L3MBTL4: variants seen among roughly 807,000 people sequenced by gnomAD.
L3MBTL4 encodes L3MBTL histone methyl-lysine binding protein 4.
In L3MBTL4, 70 loss-of-function variants were observed where a neutral mutation model predicts 84.5. That is an observed-to-expected ratio of 0.83 (90% CI 0.68 to 1.01). The LOEUF (loss-of-function observed/expected upper bound fraction) is 1.01, where lower values mean the gene tolerates loss of function less well. Ranked by LOEUF, L3MBTL4 falls within the 50% of genes least tolerant of loss-of-function variation. The pLI, the probability that L3MBTL4 is intolerant of heterozygous loss-of-function variation, is 0.00. For synonymous variants in L3MBTL4, 274 were observed against 259.8 expected, an observed-to-expected ratio of 1.05 and a Z score of -0.52; for missense variants, 715 against 754.8, an observed-to-expected ratio of 0.95 and a Z score of 0.62.
intron 13 of L3MBTL4, among the ~76,000 whole-genome samples, chr18:6,147,969 C>T (rs906738344): frequency 6.6e-6 from 1 of 151,998 alleles, no homozygotes; most frequent in Non-Finnish European, 1.5e-5. Context: ...AAAAGGATGA[C>T]CTCATATTTA....
intron 16 of L3MBTL4, among the ~76,000 whole-genome samples, chr18:6,041,648 G>A (rs1176507480): frequency 6.6e-6 from 1 of 151,850 alleles, no homozygotes; most frequent in East Asian, 1.9e-4. Flanking sequence ...AGCACAGAGA[G>A]GTCCAGCACT....
At chr18:6,297,885 T>G (rs2050172095) in intron 4 of L3MBTL4, among the ~76,000 whole-genome samples, 1 of 152,196 alleles carries the variant, frequency 6.6e-6, no homozygotes, top group South Asian at 2.1e-4. Flanking sequence ...TTCAAAGCAT[T>G]TAAGTGACTA....
At chr18:6,174,059 A>T (rs2145234880) in intron 12 of L3MBTL4, among the ~76,000 whole-genome samples, 1 of 152,260 alleles carries the variant, frequency 6.6e-6, no homozygotes, top group African/African-American at 2.4e-5. Context: ...TTACTCATGA[A>T]CAACCCTAAA....
chr18:6,135,052 C>G (rs756979575), intron 14 of L3MBTL4, among the ~76,000 whole-genome samples: 1 of 152,196 alleles, frequency 6.6e-6, no homozygotes, highest in Non-Finnish European at 1.5e-5. Context: ...GTTCCCAAAC[C>G]TCAATCTTGA....
At chr18:6,267,179 T>TA in intron 4 of L3MBTL4, among the ~76,000 whole-genome samples, 2 of 152,314 alleles carry the variant, frequency 1.3e-5, no homozygotes, top group East Asian at 3.9e-4. Context: ...AATTTATAGC[T>TA]AAAAATTAGA....
intron 16 of L3MBTL4, among the ~76,000 whole-genome samples, chr18:6,065,245 AT>A: frequency 1.3e-5 from 2 of 151,852 alleles, no homozygotes; most frequent in Middle Eastern, 6.8e-3. Flanking sequence ...GTGCTGTTGG[AT>A]TTGGTCAGTT....
chr18:6,280,110 C>T (rs2049262285), intron 4 of L3MBTL4, among the ~76,000 whole-genome samples: 1 of 152,176 alleles, frequency 6.6e-6, no homozygotes, highest in African/African-American at 2.4e-5. Context: ...TAGTCATTCT[C>T]AATGAATGTA....
chr18:6,078,716 G>A (rs913680392), intron 16 of L3MBTL4, among the ~76,000 whole-genome samples: 5 of 152,122 alleles, frequency 3.3e-5, no homozygotes, highest in Admixed American at 2.6e-4. Flanking sequence ...GACCAGGGGT[G>A]GGGGGATGGT....
chr18:6,301,581 A>C (rs1467864577), intron 4 of L3MBTL4, among the ~76,000 whole-genome samples: 1 of 152,194 alleles, frequency 6.6e-6, no homozygotes, highest in Non-Finnish European at 1.5e-5. Flanking sequence ...AGCTCACACA[A>C]AGGATTATTA....
At chr18:6,120,537 A>C (rs749394575) in intron 14 of L3MBTL4, among the ~76,000 whole-genome samples, 20 of 152,220 alleles carry the variant, frequency 1.3e-4, no homozygotes, top group African/African-American at 1.9e-4. Context: ...CCAGATTATA[A>C]GTTGTCTTCT....
chr18:6,400,730 T>C (rs1170282345), intron 1 of L3MBTL4, among the ~76,000 whole-genome samples: 1 of 152,132 alleles, frequency 6.6e-6, no homozygotes, highest in East Asian at 1.9e-4. Context: ...TGTAAACTAC[T>C]TGGGAGGCAT....
chr18:6,202,631 G>T (rs2045695654), intron 12 of L3MBTL4, among the ~76,000 whole-genome samples: 1 of 152,068 alleles, frequency 6.6e-6, no homozygotes, highest in Non-Finnish European at 1.5e-5. Context: ...TATATTGTCT[G>T]GAGTTAGTGT....
intron 5 of L3MBTL4, among the ~76,000 whole-genome samples, chr18:6,246,476 T>C (rs1017194830): frequency 6.6e-6 from 1 of 152,248 alleles, no homozygotes; most frequent in African/African-American, 2.4e-5. Context: ...CAAATAATCA[T>C]ATACTAATGG....
chr18:6,053,855 G>A (rs917995917), intron 16 of L3MBTL4, among the ~76,000 whole-genome samples: 5 of 152,178 alleles, frequency 3.3e-5, no homozygotes, highest in Non-Finnish European at 7.3e-5. Flanking sequence ...AATAAAGGCA[G>A]ATGACCTAAA....
At chr18:6,019,229 A>T (rs1338160670) in intron 16 of L3MBTL4, among the ~76,000 whole-genome samples, 3 of 152,236 alleles carry the variant, frequency 2.0e-5, no homozygotes, top group African/African-American at 7.2e-5. Flanking sequence ...ATGTAGAATC[A>T]ATATCTGGAT....
rs372656231 is a variant in L3MBTL4, at chr18:5,956,145, A to AT, written c.*74dup. On this transcript the variant is annotated 3_prime_UTR_variant, in exon 19 of 19. Transcript: ENST00000317931. Reference sequence around the variant, plus strand: ...TGGATACGGCCATGGGGACATTCACATCAAATTAATGTGCTCCACTTTTAT... The same window carrying AT: ...TGGATACGGCCATGGGGACATTCACATTCAAATTAATGTGCTCCACTTTTAT... 3.5e-4 allele frequency: 451 copies of AT among 1,272,958 alleles called. 1 individual carries two copies. The African/African-American group carries it at 5.0e-3, about 14-fold the overall frequency. The allele number at this position is 1,272,958 out of a possible 1,614,324, so 78.9% of individuals were successfully genotyped here. A position where few individuals can be genotyped will look rare whatever the true frequency, so the allele number is the denominator to read the frequency against.
chr18:6,351,402 T>A (rs1166015891), intron 1 of L3MBTL4, among the ~76,000 whole-genome samples: 1 of 152,076 alleles, frequency 6.6e-6, no homozygotes, highest in Admixed American at 6.6e-5. Context: ...AATACAGAAT[T>A]GCAGTTTGGG....
At chr18:6,182,450 G>A (rs982331472) in intron 12 of L3MBTL4, among the ~76,000 whole-genome samples, 2 of 152,136 alleles carry the variant, frequency 1.3e-5, no homozygotes, top group African/African-American at 4.8e-5. Context: ...ACCTTTGTTG[G>A]ATGCATAGTT....
intron 1 of L3MBTL4, among the ~76,000 whole-genome samples, chr18:6,332,956 G>T (rs1334991404): frequency 6.6e-6 from 1 of 152,192 alleles, no homozygotes; most frequent in Non-Finnish European, 1.5e-5. Flanking sequence ...GAAAGATTTG[G>T]ATTGTAATCC....
Sources: allele counts gnomAD v4.1 joint callset (sites outside exome capture counted in the v4.1 genomes callset), GRCh38; gene constraint gnomAD v4.1.1; transcripts MANE v1.5; gene names NCBI Gene and HGNC (gene_info 2026-07-23, HGNC 2026-07-21).